The following ZC3H7A variants were observed in gnomAD, a reference collection of about 807,000 sequenced individuals.
The protein encoded by ZC3H7A is zinc finger CCCH-type containing 7A, also known as zinc finger CCCH domain-containing protein 7A.
A neutral mutation model predicts 125.5 loss-of-function variants in ZC3H7A; 44 were observed. The ratio of observed to expected loss-of-function variants is 0.35; its 90% CI spans 0.28 to 0.45. The LOEUF is 0.45. Ranked by LOEUF, ZC3H7A falls within the 20% of genes least tolerant of loss-of-function variation. ZC3H7A has a pLI of 1.00. For missense variants in ZC3H7A, 977 were observed against 1,170.7 expected (o/e 0.83, Z 2.41); for synonymous variants, 399 against 391.2 (o/e 1.02, Z -0.23).
chr16:11,788,049 T>C (rs1484207254), intron 1 of ZC3H7A, among the ~76,000 whole-genome samples: 1 of 151,998 alleles, frequency 6.6e-6, no homozygotes, highest in East Asian at 1.9e-4. Flanking sequence ...AAATATACTA[T>C]CTTATTTTTG....
intron 12 of ZC3H7A, 88 bp from the exon 13 acceptor site, chr16:11,767,666 G>T (rs2141181985): frequency 8.0e-7 from 1 of 1,253,672 alleles, no homozygotes; most frequent in Non-Finnish European, 1.1e-6. Context: ...ATGAACAGAT[G>T]AACATCAATT....
chr16:11,793,327 G>A (rs2053382124), intron 1 of ZC3H7A, among the ~76,000 whole-genome samples: 1 of 152,136 alleles, frequency 6.6e-6, no homozygotes. Context: ...CAGGCCAGGA[G>A]TTTGAGACCA....
chr16:11,753,513 C>A lies in ZC3H7A; in HGVS notation c.2563-681G>T, dbSNP rs372672502. Among the ~76,000 whole-genome samples the A allele has an allele frequency of 2.3e-3, 346 of 152,280 alleles. 2 individuals carry two copies. The highest frequency in any genetic ancestry group is 8.0e-3 in the African/African-American group (331 of 41,540). On this transcript the variant is annotated intron_variant, in intron 21 of 22. Transcript: ENST00000355758. Reference sequence around the variant, plus strand: ...CTAGAGTATGGTGGTGCGATCATAGCTCACTGCAGCCTTGAACTCCTGGGC... The same window carrying A: ...CTAGAGTATGGTGGTGCGATCATAGATCACTGCAGCCTTGAACTCCTGGGC...
intron 2 of ZC3H7A, among the ~76,000 whole-genome samples, 187 bp from the exon 3 acceptor site, chr16:11,781,651 CATATATAT>C (rs3972315): frequency 9.7e-5 from 14 of 145,040 alleles, no homozygotes; most frequent in East Asian, 2.0e-4. Flanking sequence ...AATACATATA[CATATATAT>C]ATATATATAT....
chr16:11,793,734 C>A (rs1198801323), intron 1 of ZC3H7A, among the ~76,000 whole-genome samples: 2 of 152,192 alleles, frequency 1.3e-5, no homozygotes, highest in African/African-American at 2.4e-5. Context: ...GGGCACAAGG[C>A]AAGCCTCAGA....
intron 10 of ZC3H7A, 27 bp downstream of exon 10, chr16:11,770,756 T>G (rs2052965233): frequency 4.4e-6 from 7 of 1,580,630 alleles, no homozygotes; most frequent in Middle Eastern, 1.7e-4. Context: ...CAACTGCAAT[T>G]GTTTACAATT....
intron 3 of ZC3H7A, 117 bp downstream of exon 3, chr16:11,781,308 T>A: frequency 1.2e-6 from 1 of 856,318 alleles, no homozygotes; most frequent in South Asian, 2.1e-5. Flanking sequence ...TAAAATAAAA[T>A]AAAAGGACAG....
At chr16:11,795,953 T>G (rs1301227914) in intron 1 of ZC3H7A, among the ~76,000 whole-genome samples, 1 of 151,996 alleles carries the variant, frequency 6.6e-6, no homozygotes. Context: ...CCACCTCAGC[T>G]TCCCGAGTAG....
At chr16:11,754,281 G>A (rs2052599194) in intron 21 of ZC3H7A, among the ~76,000 whole-genome samples, 1 of 106,016 alleles carries the variant, frequency 9.4e-6, no homozygotes, top group African/African-American at 4.2e-5. Context: ...GACAGAGTGA[G>A]ACCCTGTCTC....
At chr16:11,775,102 G>A (rs1339538272) in intron 7 of ZC3H7A, 89 bp from the exon 8 acceptor site, 1 of 1,423,692 alleles carries the variant, frequency 7.0e-7, no homozygotes, top group African/African-American at 1.4e-5. Flanking sequence ...GCCGGGCACA[G>A]TGGCTCACGC....
intron 1 of ZC3H7A, among the ~76,000 whole-genome samples, chr16:11,784,051 G>C (rs1267745503): frequency 3.3e-5 from 5 of 152,026 alleles, no homozygotes; most frequent in African/African-American, 1.2e-4. Context: ...GAAGTGCAGG[G>C]GATTCTTCAG....
intron 1 of ZC3H7A, among the ~76,000 whole-genome samples, chr16:11,787,676 T>A (rs896997274): frequency 1.3e-5 from 2 of 152,120 alleles, no homozygotes; most frequent in Non-Finnish European, 2.9e-5. Flanking sequence ...CCAGGCACAG[T>A]GGCTCACGTC....
At chr16:11,782,540 A>G in intron 1 of ZC3H7A, 152 bp from the exon 2 acceptor site, 1 of 561,630 alleles carries the variant, frequency 1.8e-6, no homozygotes, top group South Asian at 2.4e-5. Context: ...GGGACCGTAC[A>G]GGAGTCATCT....
At chr16:11,756,196 A>G (rs1341316226) in intron 21 of ZC3H7A, 41 bp downstream of exon 21, 4 of 1,581,776 alleles carry the variant, frequency 2.5e-6, no homozygotes, top group African/African-American at 2.7e-5. Context: ...GGCTCCATCA[A>G]TGGCTCGGCA....
chr16:11,781,671 T>C (rs1489366139), intron 2 of ZC3H7A, among the ~76,000 whole-genome samples: 2 of 144,044 alleles, frequency 1.4e-5, no homozygotes, highest in Non-Finnish European at 3.0e-5. Flanking sequence ...TATATATATA[T>C]ATACTATTCC....
chr16:11,776,647 A>G, intron 5 of ZC3H7A, 104 bp downstream of exon 5: 1 of 1,499,350 alleles, frequency 6.7e-7, no homozygotes, highest in Middle Eastern at 1.8e-4. Context: ...ATTTATACCC[A>G]ACTGAAGCAG....
rs1192951487 is a variant in ZC3H7A, at chr16:11,762,258, A to AT, written c.2080-216_2080-215insA. On this transcript the variant is annotated intron_variant, in intron 17 of 22. Transcript: ENST00000355758. ...AAGTAGATGATAGATGCCAAACTTT[A>AT]ATTTATGAAACTCATCTTTGAAATT... Among the ~76,000 whole-genome samples the AT allele has an allele frequency of 5.3e-5, 8 of 152,194 alleles. No individual in the cohort carries two copies. In the East Asian group the frequency reaches 1.5e-3, roughly 29 times the overall value.
At chr16:11,796,512 G>GC (rs1352463711) in intron 1 of ZC3H7A, 1 of 152,628 alleles carries the variant, frequency 6.6e-6, no homozygotes, top group Non-Finnish European at 1.5e-5. Flanking sequence ...GCCTCAGGCG[G>GC]CCCCACCCCT....
chr16:11,766,018 G>C (rs918066524), intron 13 of ZC3H7A, among the ~76,000 whole-genome samples: 1 of 151,614 alleles, frequency 6.6e-6, no homozygotes, highest in East Asian at 1.9e-4. Flanking sequence ...CTCTAAAAAA[G>C]AGAAGTACCA....
Sources: allele counts gnomAD v4.1 joint callset (sites outside exome capture counted in the v4.1 genomes callset), GRCh38; gene constraint gnomAD v4.1.1; transcripts MANE v1.5; gene names NCBI Gene and HGNC (gene_info 2026-07-23, HGNC 2026-07-21).